The following ROBO2 variants were observed in gnomAD, a reference collection of about 807,000 sequenced individuals.
The protein encoded by ROBO2 is roundabout homolog 2.
A neutral mutation model predicts 160.8 loss-of-function variants in ROBO2; 53 were observed. That is an observed-to-expected ratio of 0.33 (90% confidence interval 0.26 to 0.41). ROBO2 has a LOEUF of 0.41. Among genes scored for constraint, ROBO2 ranks in the 10% least tolerant of loss-of-function variants. ROBO2 has a pLI of 1.00. For missense variants in ROBO2, 1,577 were observed against 1,722.4 expected (o/e 0.92, Z 1.49); for synonymous variants, 664 against 611.7 (o/e 1.09, Z -1.26).
At chr3:76,767,798 G>A (rs764688475) in intron 2 of ROBO2, among the ~76,000 whole-genome samples, 1 of 151,438 alleles carries the variant, frequency 6.6e-6, no homozygotes, top group Non-Finnish European at 1.5e-5. Flanking sequence ...TTCAATATGT[G>A]TAAGGATCCA....
At chr3:76,315,370 T>C (rs2071927414) in intron 2 of ROBO2, among the ~76,000 whole-genome samples, 3 of 152,234 alleles carry the variant, frequency 2.0e-5, no homozygotes, top group Admixed American at 2.0e-4. Flanking sequence ...TATATATCTT[T>C]GCTAAGCAAA....
chr3:76,996,739 C>T (rs778223102), intron 2 of ROBO2, among the ~76,000 whole-genome samples: 1 of 152,110 alleles, frequency 6.6e-6, no homozygotes, highest in Non-Finnish European at 1.5e-5. Flanking sequence ...TCATTCTAAA[C>T]TATGGTGGAT....
chr3:76,075,018 A>G lies in ROBO2; in HGVS notation c.109+137416A>G, dbSNP rs527884084. Among the ~76,000 whole-genome samples, 19 of 152,292 alleles carry G rather than the reference A, an allele frequency of 1.2e-4. No individual in the cohort carries two copies. In the East Asian group the frequency reaches 3.7e-3, roughly 29 times the overall value. On this transcript the variant is annotated intron_variant, in intron 2 of 26. Transcript: ENST00000487694. ...CCTAATCCATTAGGAATGAATACGA[A>G]CAGAAATGGAAGACATTCAGACACA...
intron 2 of ROBO2, among the ~76,000 whole-genome samples, chr3:77,270,980 GAA>G (rs2059453496): frequency 6.6e-6 from 1 of 150,594 alleles, no homozygotes; most frequent in Non-Finnish European, 1.5e-5. Context: ...TGTCATTGTT[GAA>G]AGTGATAATA....
chr3:76,493,621 C>T (rs571837350), intron 2 of ROBO2, among the ~76,000 whole-genome samples: 20 of 151,874 alleles, frequency 1.3e-4, no homozygotes, highest in African/African-American at 4.1e-4. Context: ...TTACATTATG[C>T]GAAGCCTTCA....
At chr3:77,352,433 G>A (rs2068484572) in intron 2 of ROBO2, among the ~76,000 whole-genome samples, 1 of 152,048 alleles carries the variant, frequency 6.6e-6, no homozygotes, top group Non-Finnish European at 1.5e-5. Context: ...CATCAGCCCA[G>A]AGAGAGACAT....
intron 2 of ROBO2, among the ~76,000 whole-genome samples, chr3:75,994,774 G>T (rs1335308699): frequency 6.6e-6 from 1 of 152,210 alleles, no homozygotes; most frequent in East Asian, 1.9e-4. Context: ...GTACAGTTTG[G>T]AGTGCTCAGA....
chr3:76,038,561 A>G (rs1432884275), intron 2 of ROBO2, among the ~76,000 whole-genome samples: 2 of 151,946 alleles, frequency 1.3e-5, no homozygotes, highest in Admixed American at 6.5e-5. Context: ...CTTGGCCTTT[A>G]TACAACTCTG....
chr3:76,540,026 G>T (rs2108213270), intron 2 of ROBO2, among the ~76,000 whole-genome samples: 1 of 152,184 alleles, frequency 6.6e-6, no homozygotes, highest in South Asian at 2.1e-4. Flanking sequence ...CCATTTTAAA[G>T]GACACTCCAA....
chr3:77,237,442 T>TGTGTGTGTGTGTGTGTG lies in ROBO2; in HGVS notation c.388+139105_388+139106insTGTGTGTGTGTGTGGTG, dbSNP rs892468313. On this transcript the variant is annotated intron_variant, in intron 2 of 25. Transcript: ENST00000461745. ...GTGTGTGTGTGTGTGTGTGTGTGTG[T>TGTGTGTGTGTGTGTGTG]GTGGTGGTGATAAGGTCTCACTATC... Among the ~76,000 whole-genome samples the TGTGTGTGTGTGTGTGTG allele has an allele frequency of 8.0e-5, 12 of 150,810 alleles. No homozygotes were observed. The South Asian group carries it at 2.5e-3, about 32-fold the overall frequency.
intron 1 of ROBO2, among the ~76,000 whole-genome samples, chr3:77,050,116 A>G (rs3884527): frequency 0.28 from 42,722 of 152,062 alleles, 6,195 homozygotes; most frequent in East Asian, 0.47. Context: ...TATAGATTTC[A>G]GGGTTAGAGT....
At chr3:76,924,961 C>G (rs2076885225) in intron 2 of ROBO2, among the ~76,000 whole-genome samples, 2 of 152,086 alleles carry the variant, frequency 1.3e-5, no homozygotes, top group Admixed American at 1.3e-4. Flanking sequence ...GTAATCCCAG[C>G]ACTTTGGGAG....
chr3:76,034,663 TTCTTG>T (rs1397814387), intron 2 of ROBO2, among the ~76,000 whole-genome samples: 2 of 152,218 alleles, frequency 1.3e-5, no homozygotes, highest in Non-Finnish European at 2.9e-5. Context: ...CAGTAACTTC[TTCTTG>T]TCTTATCACC....
At chr3:76,821,958 A>G (rs2066158228) in intron 2 of ROBO2, among the ~76,000 whole-genome samples, 1 of 152,022 alleles carries the variant, frequency 6.6e-6, no homozygotes, top group South Asian at 2.1e-4. Flanking sequence ...AAAGAGACCA[A>G]TACTTGTTTA....
chr3:77,504,524 A>T (rs1354531368), intron 5 of ROBO2, among the ~76,000 whole-genome samples: 1 of 152,232 alleles, frequency 6.6e-6, no homozygotes, highest in African/African-American at 2.4e-5. Context: ...GAAACAAAAA[A>T]GTAAAAGAGA....
intron 2 of ROBO2, among the ~76,000 whole-genome samples, chr3:76,392,931 T>G (rs909303875): frequency 6.6e-5 from 10 of 152,302 alleles, no homozygotes; most frequent in Non-Finnish European, 1.3e-4. Flanking sequence ...ATTACACTTT[T>G]GGGTTGAATT....
intron 2 of ROBO2, among the ~76,000 whole-genome samples, chr3:76,716,048 T>C (rs998764099): frequency 6.6e-6 from 1 of 152,088 alleles, no homozygotes; most frequent in Admixed American, 6.6e-5. Flanking sequence ...AAGGGCTACT[T>C]TGTAAATAAT....
intron 2 of ROBO2, among the ~76,000 whole-genome samples, chr3:77,021,133 C>A (rs1458359463): frequency 6.6e-6 from 1 of 151,816 alleles, no homozygotes; most frequent in Non-Finnish European, 1.5e-5. Context: ...CCTGGGAGGT[C>A]GAGGTTGCAG....
intron 2 of ROBO2, among the ~76,000 whole-genome samples, chr3:76,050,079 G>A (rs568260426): frequency 3.9e-5 from 6 of 152,116 alleles, no homozygotes; most frequent in Non-Finnish European, 8.8e-5. Context: ...CTGTTCCTGG[G>A]TGTGTCTTTG....
Sources: gnomAD v4.1 joint callset for allele counts (sites outside exome capture counted in the v4.1 genomes callset) on GRCh38, gnomAD v4.1.1 for gene constraint, MANE v1.5 for transcripts, NCBI Gene and HGNC (gene_info 2026-07-23, HGNC 2026-07-21) for gene names.